Variants in DENND1C observed in about 807,000 individuals in gnomAD.
DENND1C encodes DENN domain-containing protein 1C.
Under a neutral mutation model 87.9 loss-of-function variants are expected in DENND1C, and 64 were observed. The observed-to-expected ratio is 0.73, with a 90% CI of 0.60 to 0.90. The LOEUF (loss-of-function observed/expected upper bound fraction) is 0.90. DENND1C is among the 40% of genes least tolerant of loss of function. The pLI, the probability that DENND1C is intolerant of heterozygous loss-of-function variation, is 0.00. For missense variants in DENND1C, 980 were observed against 1,037.0 expected (o/e 0.95, Z 0.76); for synonymous variants, 384 against 424.4 (o/e 0.90, Z 1.17).
In DENND1C at chr19:6,471,435, T is replaced by C; in HGVS notation, c.1220A>G (p.Gln407Arg). Residue 407 changes from glutamine to arginine, a missense_variant, in exon 16 of 23, where the codon CAG becomes CGG. Coordinates refer to ENST00000381480, the MANE Select transcript of DENND1C (RefSeq NM_024898.4). ...KGEGFSDQFE[Q>R]EITGCGASSG... is the part of the protein sequence containing the mutation. ...GGAGGCCCCGCAGCCAGTGATCTCC[T>C]GCTCGAATTGATCTGAGAAGCCCTC... is the stretch of plus-strand genomic sequence containing the variant. 6.3e-7 allele frequency: 1 copy of C among 1,587,102 alleles called. No homozygotes were observed. Among genetic ancestry groups the C allele is most frequent in the Non-Finnish European group, 8.6e-7 (1 of 1,166,650 alleles).
At position 6,468,579 on chromosome 19, in the gene DENND1C, C is replaced by G; in HGVS notation, c.1582G>C (p.Gly528Arg). 1 of 1,538,352 alleles carries G rather than the reference C, an allele frequency of 6.5e-7. No homozygotes were observed. Among genetic ancestry groups the G allele is most frequent in the Non-Finnish European group, 8.7e-7 (1 of 1,143,540 alleles). Residue 528 changes from glycine to arginine, a missense_variant and splice_region_variant, in exon 21 of 23, where the codon GGG (glycine) becomes CGG (arginine). Gly to Arg is a moderately radical substitution (Grantham distance 125). Transcript: ENST00000381480. ...EEGTSEPPGAGTPPLSPEDEG... is the reference protein window; with the variant it reads ...EEGTSEPPGARTPPLSPEDEG... ...ACTGCTGTTCCCTTTTTGCCTTACCCCGCCCCTGGGGGCTCGGAAGTTCCC... is the reference window on the plus strand; with the variant it reads ...ACTGCTGTTCCCTTTTTGCCTTACCGCGCCCCTGGGGGCTCGGAAGTTCCC...
chr19:6,474,199 GAAAA>G (rs74173088), intron 14 of DENND1C, among the ~76,000 whole-genome samples: 1 of 140,472 alleles, frequency 7.1e-6, no homozygotes, highest in Admixed American at 7.2e-5. Context: ...TGTCTCAAGA[GAAAA>G]AAAAAAAAAA....
intron 10 of DENND1C, 70 bp downstream of exon 10, chr19:6,476,786 GC>G: frequency 1.4e-6 from 2 of 1,454,734 alleles, no homozygotes; most frequent in East Asian, 2.4e-5. Flanking sequence ...CCAGGAATCA[GC>G]CCCCTTGTCC....
In DENND1C at chr19:6,468,394, T is replaced by G. The variant is rs775199669; in HGVS notation, c.1631A>C (p.Glu544Ala). The G allele has an allele frequency of 4.5e-5, 72 of 1,613,716 alleles. No homozygotes were observed. Among genetic ancestry groups the G allele is most frequent in the South Asian group, 2.4e-4 (22 of 91,052 alleles). The change falls in exon 22 of 23, where the codon GAA (glutamate) becomes GCA (alanine). Residue 544 changes from glutamate (E) to alanine (A), a missense_variant. Physicochemically the swap from Glu to Ala is moderately radical, Grantham distance 107. Transcript: ENST00000381480. ...PEDEGCPWAE[E>A]ALDSSFLGSG... ...CCCCAAGAAGCTGCTGTCCAGAGCT[T>G]CTTCTGCCCACGGGCACCCCTCATC...
chr19:6,473,059 AT>A, intron 14 of DENND1C, 66 bp from the exon 15 acceptor site: 1 of 1,197,784 alleles, frequency 8.3e-7, no homozygotes, highest in Non-Finnish European at 1.1e-6. Context: ...TCTACTATAT[AT>A]TTATGTAGCA....
Position 6,470,505 on chromosome 19 carries a change from T to A in DENND1C, c.1291-139A>T. 1.0e-5 allele frequency: 8 copies of A among 777,052 alleles called. No homozygotes were observed. In the South Asian group the frequency reaches 1.3e-4, roughly 13 times the overall value. 48.1% of individuals were successfully genotyped at this position (777,052 alleles called of 1,614,324 possible). On this transcript the variant is annotated intron_variant, in intron 17 of 22. Coordinates refer to ENST00000381480, the MANE Select transcript of DENND1C (RefSeq NM_024898.4). ...CCTCTATAAATGAACATGATCGTAG[T>A]CATGACCCTACCTGGTGACTTGCGG...
At position 6,479,072 on chromosome 19, in the gene DENND1C, C is replaced by T; in HGVS notation, c.177-16G>A. On this transcript the variant is annotated splice_polypyrimidine_tract_variant and intron_variant, in intron 4 of 22. Coordinates refer to ENST00000381480, the MANE Select transcript of DENND1C (RefSeq NM_024898.4). ...GGGGGGCTCCCTGGAGTGGGAAGGG[C>T]TGTTAGAGAGACCTGGACATCCCAG... The T allele has an allele frequency of 6.2e-7, 1 of 1,613,500 alleles. No homozygotes were observed. The highest frequency in any genetic ancestry group is 8.5e-7 in the Non-Finnish European group (1 of 1,179,638).
intron 6 of DENND1C, among the ~76,000 whole-genome samples, chr19:6,477,866 C>G (rs1488853788): frequency 6.7e-6 from 1 of 149,134 alleles, no homozygotes; most frequent in Non-Finnish European, 1.5e-5. Flanking sequence ...GAGTCCGTGT[C>G]CAGCCTGGCC....
intron 14 of DENND1C, among the ~76,000 whole-genome samples, chr19:6,474,072 G>A (rs988090478): frequency 1.3e-5 from 2 of 152,068 alleles, no homozygotes; most frequent in African/African-American, 4.8e-5. Context: ...GTGCATGCCT[G>A]TAATCCCAGC....
At position 6,481,584 on chromosome 19, in the gene DENND1C, TC is replaced by T. The variant is rs999607131; in HGVS notation, c.17+94del. 112 of 1,570,702 alleles carry T rather than the reference TC, an allele frequency of 7.1e-5. No homozygotes were observed. The African/African-American group carries it at 1.3e-3, about 18-fold the overall frequency. ...ACCTGCCCTGGCAGGTCACTGCACC[TC>T]CCGGGCCTGCTCCAGCCCCAGCTCC... On this transcript the variant is annotated intron_variant, in intron 1 of 22. Transcript: ENST00000381480.
chr19:6,472,837 G>C, intron 15 of DENND1C, 52 bp downstream of exon 15: 5 of 1,396,034 alleles, frequency 3.6e-6, no homozygotes, highest in Non-Finnish European at 3.8e-6. Flanking sequence ...AGCCCTCGGG[G>C]ACTCAGCAGT....
At position 6,476,985 on chromosome 19, in the gene DENND1C, G is replaced by A. The variant is rs1441670031; in HGVS notation, c.568-18C>T. 5.0e-6 allele frequency: 8 copies of A among 1,613,450 alleles called. No individual in the cohort carries two copies. The highest frequency in any genetic ancestry group is 6.8e-6 in the Non-Finnish European group (8 of 1,179,752). On this transcript the variant is annotated intron_variant, in intron 9 of 22. Coordinates refer to ENST00000381480, the MANE Select transcript of DENND1C (RefSeq NM_024898.4). ...AGGTTCCTCTGAGGATCAGAGAGTC[G>A]CTCTGGGCGTGGACGGGCCCCTGGA...
Position 6,475,378 on chromosome 19 carries a change from G to A in DENND1C, c.949C>T (p.Leu317Phe), listed in dbSNP as rs1018925852. ...CCGGGGGCCAGGGCGACCTTCCTGA[G>A]CCGGAGCCTCAGCAGGGACACCTGA... Reference protein sequence around the residue: ...PDVVSLLRLRLRKVALAPGEG... With the variant: ...PDVVSLLRLRFRKVALAPGEG... The change falls in exon 14 of 23, where the codon CTC becomes TTC. Residue 317 changes from leucine to phenylalanine, a missense_variant. Coordinates refer to ENST00000381480, the MANE Select transcript of DENND1C (RefSeq NM_024898.4). 1.2e-6 allele frequency: 2 copies of A among 1,611,766 alleles called. No individual in the cohort carries two copies. Among genetic ancestry groups the A allele is most frequent in the Non-Finnish European group, 1.7e-6 (2 of 1,178,598 alleles).
In DENND1C at chr19:6,479,332, C is replaced by T. The variant is rs1174296083; in HGVS notation, c.177-276G>A. Among the ~76,000 whole-genome samples the T allele has an allele frequency of 1.4e-3, 211 of 148,912 alleles. 4 individuals are homozygous for T. The highest frequency in any genetic ancestry group is 5.4e-3 in the African/African-American group (210 of 39,094). ...CCCTGGGTTCCTCAGTCCCTGAGTCCCTGAGTCCCTGAGTCCCTGGTCCCT... is the reference window on the plus strand; with the variant it reads ...CCCTGGGTTCCTCAGTCCCTGAGTCTCTGAGTCCCTGAGTCCCTGGTCCCT... On this transcript the variant is annotated intron_variant, in intron 4 of 22. Coordinates refer to ENST00000381480, the MANE Select transcript of DENND1C (RefSeq NM_024898.4).
chr19:6,478,543 A>G, intron 6 of DENND1C, among the ~76,000 whole-genome samples: 1 of 151,664 alleles, frequency 6.6e-6, no homozygotes. Flanking sequence ...GGCGTGAGCC[A>G]CAGCACTTGG....
chr19:6,480,668 CG>C (rs1913515160), intron 1 of DENND1C: 1 of 204,288 alleles, frequency 4.9e-6, no homozygotes, highest in African/African-American at 2.4e-5. Flanking sequence ...TACAGTGGCA[CG>C]ATCTTGGCTC....
At chr19:6,480,155 C>T (rs1348669549) in intron 1 of DENND1C, 104 bp from the exon 2 acceptor site, 18 of 1,520,368 alleles carry the variant, frequency 1.2e-5, no homozygotes, top group East Asian at 4.9e-5. Context: ...CCACAAGGTG[C>T]GTCGGCATGT....
intron 17 of DENND1C, 42 bp from the exon 18 acceptor site, chr19:6,470,408 A>G: frequency 6.3e-7 from 1 of 1,586,172 alleles, no homozygotes; most frequent in Non-Finnish European, 8.6e-7. Flanking sequence ...CTAGGGCCAG[A>G]TCCCACCTCC....
At chr19:6,470,754 T>C (rs1018933101) in intron 17 of DENND1C, among the ~76,000 whole-genome samples, 1 of 150,796 alleles carries the variant, frequency 6.6e-6, no homozygotes, top group South Asian at 2.1e-4. Context: ...CCCGAGTAGC[T>C]GGGACTACAG....
Sources: gnomAD v4.1 joint callset for allele counts (sites outside exome capture counted in the v4.1 genomes callset) on GRCh38, gnomAD v4.1.1 for gene constraint, MANE v1.5 for transcripts, NCBI Gene and HGNC (gene_info 2026-07-23, HGNC 2026-07-21) for gene names.